Variants in SNX9 observed in about 807,000 individuals in gnomAD.
SNX9 encodes the protein sorting nexin 9, also known as sorting nexin-9.
A neutral mutation model predicts 89.4 loss-of-function variants in SNX9; 44 were observed. The ratio of observed to expected loss-of-function variants is 0.49; its 90% CI spans 0.39 to 0.63. The LOEUF is 0.63. SNX9 is among the 30% of genes least tolerant of loss of function. SNX9 has a pLI of 0.00. For missense variants in SNX9, 578 were observed against 736.1 expected (o/e 0.79, Z 2.49); for synonymous variants, 236 against 247.8 (o/e 0.95, Z 0.45).
Position 157,936,140 on chromosome 6 carries a change from C to G in SNX9, c.1443+100C>G, listed in dbSNP as rs781400701. 7.5e-6 allele frequency: 6 copies of G among 804,436 alleles called. No homozygotes were observed. In the East Asian group the frequency reaches 1.8e-4, roughly 24 times the overall value. 49.8% of individuals were successfully genotyped at this position (804,436 alleles called of 1,614,324 possible). On this transcript the variant is annotated intron_variant, in intron 14 of 17. Transcript: ENST00000392185. ...TAGGACAAACGTCCCAAATAAGTACCCTCTTCTTTTCTGTTTCTGTGTATC... is the reference window on the plus strand; with the variant it reads ...TAGGACAAACGTCCCAAATAAGTACGCTCTTCTTTTCTGTTTCTGTGTATC...
At chr6:157,855,792 A>G (rs1781998633) in intron 1 of SNX9, among the ~76,000 whole-genome samples, 1 of 152,156 alleles carries the variant, frequency 6.6e-6, no homozygotes, top group East Asian at 1.9e-4. Flanking sequence ...AGTGGAGTGC[A>G]GTGGCACAGT....
intron 2 of SNX9, 133 bp downstream of exon 2, chr6:157,867,766 TAATC>T (rs1782298120): frequency 1.4e-6 from 1 of 723,040 alleles, no homozygotes; most frequent in Admixed American, 3.3e-5. Context: ...TTTTGTAAGT[TAATC>T]ATTCAAACCC....
At chr6:157,853,791 TAAAA>T (rs11322047) in intron 1 of SNX9, among the ~76,000 whole-genome samples, 1 of 147,868 alleles carries the variant, frequency 6.8e-6, no homozygotes, top group Non-Finnish European at 1.5e-5. Flanking sequence ...ATGTAATGTT[TAAAA>T]AAAAAAAACA....
intron 4 of SNX9, among the ~76,000 whole-genome samples, chr6:157,881,786 G>A (rs1437090355): frequency 2.0e-5 from 3 of 152,234 alleles, no homozygotes; most frequent in Non-Finnish European, 2.9e-5. Context: ...TGAAGGCTGA[G>A]AGAGGTGAGG....
At chr6:157,903,370 A>G (rs1189253110) in intron 6 of SNX9, among the ~76,000 whole-genome samples, 2 of 152,208 alleles carry the variant, frequency 1.3e-5, no homozygotes, top group Admixed American at 6.5e-5. Context: ...CAGTGATTAA[A>G]TGAGTTCTCT....
intron 1 of SNX9, among the ~76,000 whole-genome samples, chr6:157,826,236 C>G (rs1206190574): frequency 6.6e-6 from 1 of 152,124 alleles, no homozygotes; most frequent in Non-Finnish European, 1.5e-5. Context: ...CGCCGTCTCA[C>G]GCCTGTAATC....
In SNX9 at chr6:157,875,116, T is replaced by A; in HGVS notation, c.240T>A (p.Leu80=). 6.2e-7 allele frequency: 1 copy of A among 1,614,112 alleles called. No homozygotes were observed. The highest frequency in any genetic ancestry group is 8.5e-7 in the Non-Finnish European group (1 of 1,179,990). Residue 80 remains leucine, a synonymous_variant, in exon 4 of 18, where the codon CTT becomes CTA. Transcript: ENST00000392185. ...CGNSVADQAF[L]DSLSASTAQA... ...ATTCAGTGGCTGACCAAGCCTTCCT[T>A]GATTCTCTCTCAGCCAGCACAGCTC...
At chr6:157,930,773 A>G (rs1423581762) in intron 12 of SNX9, among the ~76,000 whole-genome samples, 1 of 152,206 alleles carries the variant, frequency 6.6e-6, no homozygotes, top group Non-Finnish European at 1.5e-5. Context: ...CCCTGGTGCC[A>G]GAAAGGTTGG....
chr6:157,854,748 T>C (rs1583200867), intron 1 of SNX9, among the ~76,000 whole-genome samples: 1 of 152,302 alleles, frequency 6.6e-6, no homozygotes, highest in Non-Finnish European at 1.5e-5. Flanking sequence ...TTACCCCCTT[T>C]TATGTGGCCT....
At chr6:157,836,566 G>A (rs1027261658) in intron 1 of SNX9, among the ~76,000 whole-genome samples, 18 of 151,848 alleles carry the variant, frequency 1.2e-4, no homozygotes, top group African/African-American at 4.4e-4. Context: ...GAGGTCTGGG[G>A]TGGGGCTGAG....
intron 9 of SNX9, among the ~76,000 whole-genome samples, chr6:157,910,300 T>C (rs2235842): frequency 0.23 from 35,244 of 152,196 alleles, 4,250 homozygotes; most frequent in African/African-American, 0.28. Flanking sequence ...TTGCTGTACC[T>C]TTTCTACAAA....
intron 9 of SNX9, among the ~76,000 whole-genome samples, chr6:157,915,804 G>A (rs1394614765): frequency 1.3e-3 from 166 of 127,322 alleles, no homozygotes; most frequent in African/African-American, 4.8e-3. Context: ...CAGTCTGGGC[G>A]ACAGAGTTAG....
chr6:157,932,866 CAAAAAAAAA>C (rs10545432), intron 13 of SNX9, among the ~76,000 whole-genome samples: 2 of 39,202 alleles, frequency 5.1e-5, no homozygotes, highest in Non-Finnish European at 4.6e-5. Flanking sequence ...GACCCTGTCT[CAAAAAAAAA>C]AAAAAAAAAA....
chr6:157,902,157 A>T (rs1215929246), intron 6 of SNX9, 112 bp downstream of exon 6: 2 of 930,804 alleles, frequency 2.1e-6, no homozygotes, highest in Non-Finnish European at 2.9e-6. Context: ...GTGATCTCCT[A>T]AGTTTTGGAT....
At chr6:157,899,563 G>C (rs1171576213) in intron 5 of SNX9, among the ~76,000 whole-genome samples, 2 of 152,096 alleles carry the variant, frequency 1.3e-5, no homozygotes, top group African/African-American at 4.8e-5. Context: ...ACAAGGTCAG[G>C]AGATCAAGGC....
intron 1 of SNX9, among the ~76,000 whole-genome samples, chr6:157,852,322 A>G (rs1426822874): frequency 6.6e-6 from 1 of 152,224 alleles, no homozygotes; most frequent in African/African-American, 2.4e-5. Flanking sequence ...AGTAGAAATT[A>G]ATTTGAAATA....
At chr6:157,886,092 A>G (rs1782730970) in intron 4 of SNX9, among the ~76,000 whole-genome samples, 1 of 152,148 alleles carries the variant, frequency 6.6e-6, no homozygotes, top group South Asian at 2.1e-4. Context: ...TGCTGTTCTC[A>G]TGGTCTGTGC....
At chr6:157,876,770 C>T (rs548070314) in intron 4 of SNX9, among the ~76,000 whole-genome samples, 2 of 152,368 alleles carry the variant, frequency 1.3e-5, no homozygotes, top group African/African-American at 2.4e-5. Flanking sequence ...TGAGGCCCCG[C>T]GCCCTTTCCT....
chr6:157,851,174 C>T (rs1329377386), intron 1 of SNX9, among the ~76,000 whole-genome samples: 3 of 151,624 alleles, frequency 2.0e-5, no homozygotes, highest in Admixed American at 1.3e-4. Context: ...AGGAGAATTG[C>T]CTGAACCTGG....
Sources: allele counts gnomAD v4.1 joint callset (sites outside exome capture counted in the v4.1 genomes callset), GRCh38; gene constraint gnomAD v4.1.1; transcripts MANE v1.5; gene names NCBI Gene and HGNC (gene_info 2026-07-23, HGNC 2026-07-21).